POU2AF2: variants seen among roughly 807,000 people sequenced by gnomAD.
POU2AF2 encodes POU domain class 2-associating factor 2.
At chr11:111,286,272 A>C in the POU2AF2 span, 1 of 521,484 alleles carries the variant, frequency 1.9e-6, no homozygotes, top group East Asian at 3.7e-5. Flanking sequence ...GTATTCTAGT[A>C]AGATAACCTT....
the POU2AF2 span, among the ~76,000 whole-genome samples, chr11:111,266,366 C>A: frequency 6.6e-6 from 1 of 152,090 alleles, no homozygotes; most frequent in Non-Finnish European, 1.5e-5. Context: ...CACTGGCACC[C>A]CTACCCCCAA....
the POU2AF2 span, among the ~76,000 whole-genome samples, chr11:111,279,853 C>G: frequency 4.0e-5 from 6 of 151,540 alleles, no homozygotes; most frequent in Non-Finnish European, 7.4e-5. Flanking sequence ...ACCAGCCTGG[C>G]CAACACAGTG....
chr11:111,259,986 C>T, the POU2AF2 span, among the ~76,000 whole-genome samples: 1 of 152,186 alleles, frequency 6.6e-6, no homozygotes, highest in African/African-American at 2.4e-5. Context: ...ATGTTTCATC[C>T]TCTTAACCAC....
the POU2AF2 span, among the ~76,000 whole-genome samples, chr11:111,267,941 C>T: frequency 2.0e-5 from 3 of 152,184 alleles, no homozygotes; most frequent in South Asian, 4.1e-4. Context: ...GTATTCCATG[C>T]TAGAAACAGA....
the POU2AF2 span, among the ~76,000 whole-genome samples, chr11:111,247,695 G>A: frequency 6.6e-6 from 1 of 151,612 alleles, no homozygotes; most frequent in African/African-American, 2.4e-5. Context: ...GCTGAGGCAG[G>A]AGAATCACTT....
At chr11:111,284,984 G>A in the POU2AF2 span, among the ~76,000 whole-genome samples, 11 of 152,186 alleles carry the variant, frequency 7.2e-5, no homozygotes, top group Admixed American at 5.9e-4. Context: ...AGACAAAAGG[G>A]AGAGGATGAG....
At chr11:111,284,402 A>C in the POU2AF2 span, 4 of 1,557,390 alleles carry the variant, frequency 2.6e-6, no homozygotes, top group Non-Finnish European at 3.5e-6. Flanking sequence ...ACCTCGTGTG[A>C]GGGAGTAAAA....
the POU2AF2 span, among the ~76,000 whole-genome samples, chr11:111,280,057 A>AATATATATATATATATATATATATATAT: frequency 1.6e-4 from 12 of 76,466 alleles, no homozygotes; most frequent in South Asian, 9.1e-4. Flanking sequence ...AAAAAAAAAA[A>AATATATATATATATATATATATATATAT]ATATATATAT....
the POU2AF2 span, among the ~76,000 whole-genome samples, chr11:111,280,428 A>C: frequency 1.3e-5 from 2 of 152,170 alleles, no homozygotes; most frequent in Non-Finnish European, 2.9e-5. Flanking sequence ...CAGTCTGAAC[A>C]TACTAAATGC....
At chr11:111,272,564 C>A in the POU2AF2 span, among the ~76,000 whole-genome samples, 4 of 152,178 alleles carry the variant, frequency 2.6e-5, no homozygotes, top group Non-Finnish European at 1.5e-5. Context: ...ATGTAAAGTG[C>A]CAGACACAGA....
chr11:111,280,570 G>A, the POU2AF2 span, among the ~76,000 whole-genome samples: 2 of 152,048 alleles, frequency 1.3e-5, no homozygotes, highest in Non-Finnish European at 2.9e-5. Flanking sequence ...AATCCACACT[G>A]TCTACACCAC....
At chr11:111,265,373 C>G in the POU2AF2 span, among the ~76,000 whole-genome samples, 3 of 152,104 alleles carry the variant, frequency 2.0e-5, no homozygotes, top group Non-Finnish European at 2.9e-5. Flanking sequence ...CTTGCCATTT[C>G]TGTTTGTTCC....
At chr11:111,252,812 A>G in the POU2AF2 span, among the ~76,000 whole-genome samples, 3 of 151,900 alleles carry the variant, frequency 2.0e-5, no homozygotes, top group African/African-American at 4.8e-5. Flanking sequence ...TGACACCATA[A>G]TTCTCTCTAA....
the POU2AF2 span, among the ~76,000 whole-genome samples, chr11:111,246,644 A>G: frequency 2.6e-5 from 4 of 152,240 alleles, no homozygotes; most frequent in South Asian, 2.1e-4. Context: ...AAGAGCATCT[A>G]TCTTCTGCAG....
chr11:111,276,053 C>G, the POU2AF2 span, among the ~76,000 whole-genome samples: 1 of 151,480 alleles, frequency 6.6e-6, no homozygotes, highest in Non-Finnish European at 1.5e-5. Context: ...AAACAGAGTC[C>G]CAGGAGGAGA....
the POU2AF2 span, chr11:111,286,112 G>A: frequency 3.5e-5 from 55 of 1,572,642 alleles, no homozygotes; most frequent in Middle Eastern, 1.7e-4. Context: ...TCCAAAGATT[G>A]TTTTAGGTGT....
At chr11:111,257,309 C>T in the POU2AF2 span, among the ~76,000 whole-genome samples, 12 of 151,992 alleles carry the variant, frequency 7.9e-5, no homozygotes, top group Non-Finnish European at 1.5e-4. Context: ...TTCAAATGAA[C>T]GTTCAATTTC....
At chr11:111,264,577 G>GAAAGAGAGAGA in the POU2AF2 span, among the ~76,000 whole-genome samples, 4 of 22,930 alleles carry the variant, frequency 1.7e-4, 1 homozygote, top group Admixed American at 6.0e-4. Flanking sequence ...AGAAAGAAAG[G>GAAAGAGAGAGA]GAGAGAGAAA....
At chr11:111,284,323 C>T in the POU2AF2 span, 9 of 1,612,018 alleles carry the variant, frequency 5.6e-6, no homozygotes, top group Non-Finnish European at 6.8e-6. Context: ...GCGCCTCGCC[C>T]CTACCGCCGC....
Sources: allele counts gnomAD v4.1 joint callset (sites outside exome capture counted in the v4.1 genomes callset), GRCh38; gene constraint gnomAD v4.1.1; transcripts MANE v1.5; gene names NCBI Gene and HGNC (gene_info 2026-07-23, HGNC 2026-07-21).